OXR1: variants seen among roughly 807,000 people sequenced by gnomAD.
The protein encoded by OXR1 is oxidation resistance 1, also known as oxidation resistance protein 1.
Under a neutral mutation model 104.6 loss-of-function variants are expected in OXR1, and 41 were observed. The ratio of observed to expected loss-of-function variants is 0.39; its 90% CI spans 0.31 to 0.51. The LOEUF (loss-of-function observed/expected upper bound fraction) is 0.51. Ranked by LOEUF, OXR1 falls within the 20% of genes least tolerant of loss-of-function variation. The pLI is 0.77. For synonymous variants in OXR1, 348 were observed against 348.4 expected, an observed-to-expected ratio of 1.00 and a Z score of 0.01; for missense variants, 955 against 1,031.9, an observed-to-expected ratio of 0.93 and a Z score of 1.02.
chr8:106,677,302 T>G (rs897181545), intron 3 of OXR1, among the ~76,000 whole-genome samples: 1 of 152,182 alleles, frequency 6.6e-6, no homozygotes, highest in Non-Finnish European at 1.5e-5. Flanking sequence ...AATAAATTCT[T>G]TAAAACTTAT....
chr8:106,504,830 T>C (rs1812050642), intron 2 of OXR1, among the ~76,000 whole-genome samples: 1 of 152,186 alleles, frequency 6.6e-6, no homozygotes. Flanking sequence ...TGGATACATA[T>C]TTTTTCTATT....
At chr8:106,685,777 G>A (rs1388196403) in intron 6 of OXR1, among the ~76,000 whole-genome samples, 1 of 151,540 alleles carries the variant, frequency 6.6e-6, no homozygotes, top group African/African-American at 2.4e-5. Context: ...TCACTACTAG[G>A]TATCTACCCC....
At position 106,671,044 on chromosome 8, in the gene OXR1, C is replaced by CAAAAAAAAAAAAAAAAAAAAAAAAAAA. The variant is rs60404483; in HGVS notation, c.221-8147_221-8146insAAAAAAAAAAAAAAAAAAAAAAAAAAA. 2.9e-4 allele frequency among the ~76,000 whole-genome samples: 14 copies of CAAAAAAAAAAAAAAAAAAAAAAAAAAA among 48,928 alleles called. 1 individual carries two copies. The highest frequency in any genetic ancestry group is 1.1e-3 in the African/African-American group (9 of 8,154). The allele number at this position is 48,928 out of a possible 152,430, so 32.1% of individuals were successfully genotyped here. A position where few individuals can be genotyped will look rare whatever the true frequency, so the allele number is the denominator to read the frequency against. ...TGGGTGACAGAGTGAGACTCTGTCT[C>CAAAAAAAAAAAAAAAAAAAAAAAAAAA]AAAAAAAAAAAAAAAAAAAGAATGG... is the stretch of plus-strand genomic sequence containing the variant. On this transcript the variant is annotated intron_variant, in intron 3 of 16. Coordinates refer to ENST00000517566, the MANE Select transcript of OXR1 (RefSeq NM_001198533.2).
rs190167378 is a variant in OXR1 at position 106,420,480 on chromosome 8, T to C, written c.23+60844T>C. Reference sequence around the variant, plus strand: ...TAAATAAGTGATGTTTTAAAATCGCTTTAAAACATTGCTATATGCAATCTC... The same window carrying C: ...TAAATAAGTGATGTTTTAAAATCGCCTTAAAACATTGCTATATGCAATCTC... On this transcript the variant is annotated intron_variant, in intron 2 of 16. Transcript: ENST00000517566. 7.6e-3 allele frequency among the ~76,000 whole-genome samples: 1,163 copies of C among 152,110 alleles called. 11 individuals are homozygous for C. Among genetic ancestry groups the C allele is most frequent in the Middle Eastern group, 0.017 (5 of 292 alleles).
chr8:106,643,753 C>G (rs1156741671), intron 3 of OXR1, among the ~76,000 whole-genome samples: 1 of 152,068 alleles, frequency 6.6e-6, no homozygotes, highest in Non-Finnish European at 1.5e-5. Context: ...TGGCTCTGTT[C>G]TTTTCCAAGT....
intron 2 of OXR1, among the ~76,000 whole-genome samples, chr8:106,411,360 G>T (rs144668609): frequency 3.3e-5 from 5 of 152,272 alleles, no homozygotes; most frequent in Non-Finnish European, 7.4e-5. Context: ...TTACCCAACA[G>T]ATACCCATTT....
intron 2 of OXR1, among the ~76,000 whole-genome samples, chr8:106,364,870 TGCTATA>T (rs1263647854): frequency 1.3e-5 from 2 of 152,166 alleles, no homozygotes; most frequent in African/African-American, 4.8e-5. Context: ...TCTCAAAAAT[TGCTATA>T]GCCACTGTTT....
chr8:106,580,456 ATATC>A (rs1332702501), intron 3 of OXR1, among the ~76,000 whole-genome samples: 1 of 152,196 alleles, frequency 6.6e-6, no homozygotes, highest in African/African-American at 2.4e-5. Flanking sequence ...CCACATTTGT[ATATC>A]TATTCATTCA....
intron 1 of OXR1, among the ~76,000 whole-genome samples, chr8:106,343,484 T>C (rs1210997745): frequency 1.3e-5 from 2 of 152,244 alleles, no homozygotes; most frequent in Non-Finnish European, 2.9e-5. Context: ...TTCGGTGTGA[T>C]AGCAAGGATG....
intron 3 of OXR1, among the ~76,000 whole-genome samples, chr8:106,625,057 G>A (rs999343023): frequency 1.3e-5 from 2 of 152,124 alleles, no homozygotes; most frequent in East Asian, 1.9e-4. Flanking sequence ...CTCCCAAAGC[G>A]CTAGAATTAC....
At chr8:106,640,650 G>A (rs1257365744) in intron 3 of OXR1, among the ~76,000 whole-genome samples, 2 of 151,880 alleles carry the variant, frequency 1.3e-5, no homozygotes, top group East Asian at 1.9e-4. Context: ...AAGTAACTTC[G>A]ATAGCATAAA....
intron 11 of OXR1, among the ~76,000 whole-genome samples, chr8:106,727,197 G>GT (rs141630481): frequency 2.4e-4 from 36 of 147,628 alleles, no homozygotes; most frequent in East Asian, 1.6e-3. Flanking sequence ...TAACACCGTT[G>GT]TTTTTTTTTT....
At chr8:106,522,476 A>G (rs1031299883) in intron 3 of OXR1, among the ~76,000 whole-genome samples, 1 of 152,188 alleles carries the variant, frequency 6.6e-6, no homozygotes, top group Non-Finnish European at 1.5e-5. Context: ...ATCAGTGGTT[A>G]GTTGAGTCCA....
At chr8:106,608,017 C>T (rs936355123) in intron 3 of OXR1, among the ~76,000 whole-genome samples, 1 of 152,150 alleles carries the variant, frequency 6.6e-6, no homozygotes, top group Non-Finnish European at 1.5e-5. Context: ...CACTGTGGCT[C>T]ATTGCTGTAA....
intron 2 of OXR1, among the ~76,000 whole-genome samples, chr8:106,370,433 A>T (rs1249705604): frequency 6.6e-6 from 1 of 152,074 alleles, no homozygotes; most frequent in Non-Finnish European, 1.5e-5. Context: ...TTCCAGTACT[A>T]TGTTGAGGAG....
At chr8:106,690,414 C>T (rs558295198) in intron 6 of OXR1, among the ~76,000 whole-genome samples, 15 of 151,050 alleles carry the variant, frequency 9.9e-5, no homozygotes, top group African/African-American at 2.9e-4. Flanking sequence ...AATTATACCT[C>T]GGTCTTATAT....
intron 14 of OXR1, among the ~76,000 whole-genome samples, chr8:106,741,572 T>C (rs181532891): frequency 1.3e-5 from 2 of 152,254 alleles, no homozygotes; most frequent in Admixed American, 1.3e-4. Context: ...ACTATAAAGA[T>C]AGAATGTCAG....
intron 2 of OXR1, among the ~76,000 whole-genome samples, chr8:106,445,019 G>C (rs1819953779): frequency 6.6e-6 from 1 of 152,054 alleles, no homozygotes; most frequent in African/African-American, 2.4e-5. Context: ...AATTCAAGGA[G>C]AGTTCTTCTT....
At chr8:106,400,591 C>A (rs1817962403) in intron 2 of OXR1, among the ~76,000 whole-genome samples, 2 of 151,982 alleles carry the variant, frequency 1.3e-5, no homozygotes, top group South Asian at 4.2e-4. Context: ...ATAAATTGGT[C>A]TTATATTATG....
Sources: gnomAD v4.1 joint callset for allele counts (sites outside exome capture counted in the v4.1 genomes callset) on GRCh38, gnomAD v4.1.1 for gene constraint, MANE v1.5 for transcripts, NCBI Gene and HGNC (gene_info 2026-07-23, HGNC 2026-07-21) for gene names.